FNDC3A: variants seen among roughly 807,000 people sequenced by gnomAD.
FNDC3A encodes the protein fibronectin type III domain containing 3A, also known as fibronectin type-III domain-containing protein 3A.
In FNDC3A, 32 loss-of-function variants were observed where a neutral mutation model predicts 148.9. The observed-to-expected ratio is 0.21, with a 90% CI of 0.16 to 0.29. The LOEUF is 0.29. Among genes scored for constraint, FNDC3A ranks in the 10% least tolerant of loss-of-function variants. FNDC3A has a pLI of 1.00. For missense variants in FNDC3A, 1,191 were observed against 1,452.8 expected, an observed-to-expected ratio of 0.82 and a Z score of 2.93; for synonymous variants, 472 against 473.6, an observed-to-expected ratio of 1.00 and a Z score of 0.04.
intron 2 of FNDC3A, among the ~76,000 whole-genome samples, chr13:49,035,514 G>A (rs1874431061): frequency 6.6e-6 from 1 of 151,952 alleles, no homozygotes; most frequent in Non-Finnish European, 1.5e-5. Flanking sequence ...TAATAGAGTA[G>A]AATTTGAATG....
intron 3 of FNDC3A, among the ~76,000 whole-genome samples, chr13:49,077,253 A>G (rs1360421295): frequency 6.6e-6 from 1 of 152,250 alleles, no homozygotes; most frequent in Non-Finnish European, 1.5e-5. Flanking sequence ...AGCCTGGGCG[A>G]TAAAGCGAGA....
chr13:49,169,278 T>A (rs186724768), intron 10 of FNDC3A, among the ~76,000 whole-genome samples: 2 of 152,330 alleles, frequency 1.3e-5, no homozygotes, highest in East Asian at 3.9e-4. Flanking sequence ...TGTCACTGAT[T>A]ATATAATTTT....
chr13:49,151,893 A>G (rs187674294), intron 8 of FNDC3A, among the ~76,000 whole-genome samples: 14 of 152,208 alleles, frequency 9.2e-5, no homozygotes, highest in Admixed American at 6.5e-5. Flanking sequence ...CCATGTGCCT[A>G]CAAAGGATAT....
intron 7 of FNDC3A, among the ~76,000 whole-genome samples, chr13:49,141,446 ACTAT>A (rs1020070658): frequency 7.9e-5 from 12 of 152,188 alleles, no homozygotes; most frequent in African/African-American, 2.4e-4. Context: ...TACTAGAAGT[ACTAT>A]CTAACTCCAA....
chr13:49,203,508 C>T (rs1886513019), intron 25 of FNDC3A, among the ~76,000 whole-genome samples: 1 of 152,166 alleles, frequency 6.6e-6, no homozygotes, highest in Non-Finnish European at 1.5e-5. Context: ...CTGTGCCAGG[C>T]ACTCAGGATA....
chr13:49,101,662 C>T (rs1430017688), intron 3 of FNDC3A, among the ~76,000 whole-genome samples: 1 of 152,028 alleles, frequency 6.6e-6, no homozygotes, highest in Non-Finnish European at 1.5e-5. Flanking sequence ...TTCTGCAAAT[C>T]AACTGATTCA....
chr13:49,127,714 T>C (rs1421269175), intron 4 of FNDC3A, among the ~76,000 whole-genome samples: 1 of 152,162 alleles, frequency 6.6e-6, no homozygotes, highest in East Asian at 1.9e-4. Flanking sequence ...TCTTATAAAC[T>C]CTTCAAACTC....
chr13:49,007,115 C>T (rs771584311), intron 2 of FNDC3A, among the ~76,000 whole-genome samples: 4 of 152,000 alleles, frequency 2.6e-5, no homozygotes, highest in Non-Finnish European at 5.9e-5. Flanking sequence ...TCACACAAAG[C>T]TTGTGCTCCT....
chr13:49,008,411 G>C (rs1952265887), intron 2 of FNDC3A, among the ~76,000 whole-genome samples: 1 of 152,116 alleles, frequency 6.6e-6, no homozygotes, highest in Admixed American at 6.5e-5. Flanking sequence ...GACACAACTT[G>C]GTTGATGCCT....
intron 2 of FNDC3A, among the ~76,000 whole-genome samples, chr13:49,072,130 T>C (rs1278366880): frequency 6.6e-6 from 1 of 152,206 alleles, no homozygotes; most frequent in African/African-American, 2.4e-5. Flanking sequence ...TGTTTTTTTC[T>C]AGTAGTTTTG....
intron 2 of FNDC3A, among the ~76,000 whole-genome samples, chr13:49,016,923 T>A (rs1872838358): frequency 6.6e-6 from 1 of 151,168 alleles, no homozygotes; most frequent in Non-Finnish European, 1.5e-5. Flanking sequence ...TGAGTGAGAT[T>A]CTTAATCCTG....
At chr13:49,122,110 T>C (rs1214632122) in intron 4 of FNDC3A, among the ~76,000 whole-genome samples, 1 of 152,164 alleles carries the variant, frequency 6.6e-6, no homozygotes, top group Non-Finnish European at 1.5e-5. Flanking sequence ...ATAAAATAAC[T>C]GGCAAACTGA....
intron 2 of FNDC3A, among the ~76,000 whole-genome samples, chr13:49,051,630 T>G (rs1301028213): frequency 6.6e-6 from 1 of 152,234 alleles, no homozygotes; most frequent in East Asian, 1.9e-4. Flanking sequence ...TGGCATTAGA[T>G]GAGTTGATGA....
intron 3 of FNDC3A, among the ~76,000 whole-genome samples, chr13:49,103,462 C>G (rs181223173): frequency 1.1e-4 from 17 of 152,316 alleles, no homozygotes; most frequent in Non-Finnish European, 2.1e-4. Flanking sequence ...TGGACTTCAT[C>G]TCATCACAAT....
intron 4 of FNDC3A, among the ~76,000 whole-genome samples, chr13:49,124,889 T>G (rs999193611): frequency 6.6e-6 from 1 of 152,186 alleles, no homozygotes; most frequent in African/African-American, 2.4e-5. Context: ...CTTCCGCTAT[T>G]TCAGTGATAA....
chr13:49,202,091 C>T (rs997323839), intron 24 of FNDC3A, 125 bp downstream of exon 24: 15 of 554,140 alleles, frequency 2.7e-5, no homozygotes, highest in Admixed American at 4.1e-5. Context: ...TATACAAAAT[C>T]GTATAGGCAA....
chr13:49,039,680 CTT>C (rs1203444704), intron 2 of FNDC3A, among the ~76,000 whole-genome samples: 11 of 152,002 alleles, frequency 7.2e-5, no homozygotes, highest in Non-Finnish European at 1.5e-4. Flanking sequence ...TAATCAGTGA[CTT>C]TTCATTATCA....
intron 19 of FNDC3A, among the ~76,000 whole-genome samples, chr13:49,194,601 A>T (rs1886057685): frequency 6.6e-6 from 1 of 152,078 alleles, no homozygotes; most frequent in Non-Finnish European, 1.5e-5. Context: ...AATATAATGG[A>T]AATGTGAATA....
intron 2 of FNDC3A, among the ~76,000 whole-genome samples, chr13:49,039,197 T>C (rs891782788): frequency 6.6e-6 from 1 of 152,232 alleles, no homozygotes; most frequent in African/African-American, 2.4e-5. Flanking sequence ...TGTAAACTAA[T>C]ATTTTTCAAA....
Sources: gnomAD v4.1 joint callset for allele counts (sites outside exome capture counted in the v4.1 genomes callset) on GRCh38, gnomAD v4.1.1 for gene constraint, MANE v1.5 for transcripts, NCBI Gene and HGNC (gene_info 2026-07-23, HGNC 2026-07-21) for gene names.